TMEM132D: variants seen among roughly 807,000 people sequenced by gnomAD.
TMEM132D encodes mature OL transmembrane protein.
TMEM132D carries 21 observed loss-of-function variants against 62.3 expected under a neutral mutation model. The observed-to-expected ratio is 0.34, with a 90% CI of 0.24 to 0.49. The LOEUF (loss-of-function observed/expected upper bound fraction) is 0.49, where lower values mean the gene tolerates loss of function less well. Ranked by LOEUF, TMEM132D falls within the 20% of genes least tolerant of loss-of-function variation. The pLI is 0.99. For missense variants in TMEM132D, 1,346 were observed against 1,402.8 expected, an observed-to-expected ratio of 0.96 and a Z score of 0.65; for synonymous variants, 621 against 575.6, an observed-to-expected ratio of 1.08 and a Z score of -1.13.
chr12:129,716,938 G>A (rs189695359), intron 1 of TMEM132D, among the ~76,000 whole-genome samples: 3 of 152,316 alleles, frequency 2.0e-5, no homozygotes, highest in East Asian at 1.9e-4. Context: ...CACATTTAGC[G>A]TCTGTAGGTA....
At chr12:129,713,101 G>A (rs1298373978) in intron 1 of TMEM132D, among the ~76,000 whole-genome samples, 1 of 152,146 alleles carries the variant, frequency 6.6e-6, no homozygotes, top group African/African-American at 2.4e-5. Context: ...ATCTTCGTGT[G>A]TGACCTTCAC....
chr12:129,405,403 G>T (rs1871751864), intron 3 of TMEM132D, among the ~76,000 whole-genome samples: 1 of 152,130 alleles, frequency 6.6e-6, no homozygotes, highest in East Asian at 1.9e-4. Context: ...TGGAGTTAGG[G>T]CATCAACATG....
At chr12:129,796,797 G>A (rs141112931) in intron 1 of TMEM132D, among the ~76,000 whole-genome samples, 57 of 152,256 alleles carry the variant, frequency 3.7e-4, no homozygotes, top group Middle Eastern at 6.8e-3. Context: ...GTTGATGGGT[G>A]CAGCAAACCA....
intron 5 of TMEM132D, among the ~76,000 whole-genome samples, chr12:129,178,066 C>A (rs974340628): frequency 6.6e-6 from 1 of 152,142 alleles, no homozygotes; most frequent in Non-Finnish European, 1.5e-5. Flanking sequence ...ATAATGGCTT[C>A]CAGCTTCATC....
At chr12:129,384,242 T>G (rs1871040228) in intron 3 of TMEM132D, among the ~76,000 whole-genome samples, 1 of 152,154 alleles carries the variant, frequency 6.6e-6, no homozygotes, top group Admixed American at 6.5e-5. Flanking sequence ...TTATTGAAAC[T>G]TTAACAGTGA....
chr12:129,314,319 A>G (rs1029809964), intron 4 of TMEM132D, among the ~76,000 whole-genome samples: 7 of 152,174 alleles, frequency 4.6e-5, no homozygotes, highest in African/African-American at 1.4e-4. Flanking sequence ...GATCCGTTTC[A>G]TTCTCCTAAA....
In TMEM132D at chr12:129,735,207, A is replaced by T. The variant is rs1869386829; in HGVS notation, c.80-34509T>A. Among the ~76,000 whole-genome samples the T allele has an allele frequency of 2.0e-5, 3 of 152,174 alleles. No individual in the cohort carries two copies. The South Asian group carries it at 6.2e-4, about 32-fold the overall frequency. On this transcript the variant is annotated intron_variant, in intron 1 of 8. Transcript: ENST00000422113. ...CATTCCGTATCGCAGTCTTGATCAC[A>T]TTTTGCATGATTGCTTACTTAATGA... is the stretch of plus-strand genomic sequence containing the variant.
At chr12:129,319,088 T>C (rs1868589000) in intron 4 of TMEM132D, among the ~76,000 whole-genome samples, 1 of 152,170 alleles carries the variant, frequency 6.6e-6, no homozygotes, top group Admixed American at 6.5e-5. Flanking sequence ...GCCTGTGAAG[T>C]CTGCAAGCCC....
intron 3 of TMEM132D, among the ~76,000 whole-genome samples, chr12:129,527,140 C>G (rs1876071072): frequency 6.6e-6 from 1 of 152,090 alleles, no homozygotes; most frequent in South Asian, 2.1e-4. Flanking sequence ...AAAACCCCAC[C>G]TCTACTATAT....
At chr12:129,198,694 G>A (rs1878610560) in intron 5 of TMEM132D, among the ~76,000 whole-genome samples, 1 of 152,082 alleles carries the variant, frequency 6.6e-6, no homozygotes, top group South Asian at 2.1e-4. Flanking sequence ...GAAAGAATAA[G>A]TTATTTTTTA....
chr12:129,859,053 T>C lies in TMEM132D; in HGVS notation c.79+44208A>G, dbSNP rs1033631078. ...TCCGGGGGAACGGGATGGGTGCCCT[T>C]GTAACGGAGTCCGGGGGAACGGGAT... On this transcript the variant is annotated intron_variant, in intron 1 of 8. Transcript: ENST00000422113. Among the ~76,000 whole-genome samples, 3 of 149,408 alleles carry C rather than the reference T, an allele frequency of 2.0e-5. No homozygotes were observed. The East Asian group carries it at 6.0e-4, about 30-fold the overall frequency.
chr12:129,259,366 T>A (rs758715611), intron 4 of TMEM132D, among the ~76,000 whole-genome samples: 1 of 152,146 alleles, frequency 6.6e-6, no homozygotes, highest in Non-Finnish European at 1.5e-5. Context: ...CTGGGAGAAC[T>A]TGTTCCAGGC....
chr12:129,375,561 G>A (rs1870758710), intron 3 of TMEM132D, among the ~76,000 whole-genome samples: 1 of 152,192 alleles, frequency 6.6e-6, no homozygotes, highest in Non-Finnish European at 1.5e-5. Flanking sequence ...TGTTTTAGCT[G>A]TAAAGGAAAT....
At chr12:129,284,619 T>C (rs1314902646) in intron 4 of TMEM132D, among the ~76,000 whole-genome samples, 2 of 152,272 alleles carry the variant, frequency 1.3e-5, no homozygotes, top group Non-Finnish European at 1.5e-5. Flanking sequence ...TAAACATATG[T>C]TCATGGCAGG....
intron 4 of TMEM132D, among the ~76,000 whole-genome samples, chr12:129,246,637 C>A (rs1880122599): frequency 6.6e-6 from 1 of 151,884 alleles, no homozygotes; most frequent in African/African-American, 2.4e-5. Flanking sequence ...ATGCTATATC[C>A]CAGCTATAAT....
chr12:129,877,858 T>C (rs1197335875), intron 1 of TMEM132D, among the ~76,000 whole-genome samples: 1 of 152,220 alleles, frequency 6.6e-6, no homozygotes, highest in African/African-American at 2.4e-5. Context: ...CATGAAATGA[T>C]CTTCAAGCCT....
chr12:129,285,858 C>G (rs561675097), intron 4 of TMEM132D, among the ~76,000 whole-genome samples: 119 of 152,238 alleles, frequency 7.8e-4, no homozygotes, highest in African/African-American at 2.8e-3. Flanking sequence ...CCCATCAGTC[C>G]ATCACGACCT....
At chr12:129,709,335 G>T (rs1174256020) in intron 1 of TMEM132D, among the ~76,000 whole-genome samples, 1 of 152,176 alleles carries the variant, frequency 6.6e-6, no homozygotes, top group Non-Finnish European at 1.5e-5. Flanking sequence ...TGCAGTGCCA[G>T]CCATAAAGCT....
chr12:129,142,118 G>A (rs7298713), intron 5 of TMEM132D, among the ~76,000 whole-genome samples: 151,096 of 151,938 alleles, frequency 0.99, 75,135 homozygotes, highest in Middle Eastern at 1. Flanking sequence ...AAATAAAAAG[G>A]TTGGCCATAA....
Sources: allele counts gnomAD v4.1 joint callset (sites outside exome capture counted in the v4.1 genomes callset), GRCh38; gene constraint gnomAD v4.1.1; transcripts MANE v1.5; gene names NCBI Gene and HGNC (gene_info 2026-07-23, HGNC 2026-07-21).